The following CSMD1 variants were observed in gnomAD, a reference collection of about 807,000 sequenced individuals.
CSMD1 encodes CUB and sushi domain-containing protein 1.
A neutral mutation model predicts 417.5 loss-of-function variants in CSMD1; 213 were observed. The observed-to-expected ratio is 0.51, with a 90% CI of 0.46 to 0.57. The LOEUF is 0.57. Among genes scored for constraint, CSMD1 ranks in the 20% least tolerant of loss-of-function variants. The pLI, the probability that CSMD1 is intolerant of heterozygous loss-of-function variation, is 0.00. For missense variants in CSMD1, 6,923 were observed against 4,529.7 expected, an observed-to-expected ratio of 1.53 and a Z score of -15.17; for synonymous variants, 2,862 against 1,736.8, an observed-to-expected ratio of 1.65 and a Z score of -16.11.
At chr8:3,891,507 C>A (rs995710019) in intron 5 of CSMD1, among the ~76,000 whole-genome samples, 6 of 151,968 alleles carry the variant, frequency 3.9e-5, no homozygotes, top group African/African-American at 1.5e-4. Context: ...TAACAAGACC[C>A]CATGCCTAAT....
At chr8:4,637,152 C>G (rs1340448727) in intron 2 of CSMD1, among the ~76,000 whole-genome samples, 190 bp downstream of exon 2, 2 of 152,084 alleles carry the variant, frequency 1.3e-5, no homozygotes, top group Non-Finnish European at 2.9e-5. Context: ...TCTTTGTTTC[C>G]CTGCCATCTT....
intron 29 of CSMD1, among the ~76,000 whole-genome samples, chr8:3,215,861 T>A (rs1237989699): frequency 6.6e-6 from 1 of 151,900 alleles, no homozygotes; most frequent in Non-Finnish European, 1.5e-5. Flanking sequence ...CCTGATTAAC[T>A]GTATTTATTC....
chr8:4,818,701 C>A (rs1040690807), intron 1 of CSMD1, among the ~76,000 whole-genome samples: 1 of 152,122 alleles, frequency 6.6e-6, no homozygotes, highest in African/African-American at 2.4e-5. Context: ...GATGAAAAAA[C>A]AATCATCATG....
At chr8:4,133,534 C>A (rs1377538643) in intron 3 of CSMD1, among the ~76,000 whole-genome samples, 1 of 152,178 alleles carries the variant, frequency 6.6e-6, no homozygotes, top group Non-Finnish European at 1.5e-5. Flanking sequence ...TTTTCCTTCT[C>A]CTCCTCATGG....
intron 3 of CSMD1, among the ~76,000 whole-genome samples, chr8:4,223,375 A>C (rs1714732): frequency 1.3e-5 from 2 of 152,150 alleles, no homozygotes; most frequent in African/African-American, 2.4e-5. Context: ...CCATCCATCA[A>C]GTAAATTCAG....
intron 3 of CSMD1, among the ~76,000 whole-genome samples, chr8:4,134,778 A>AAC (rs1221534695): frequency 6.6e-6 from 1 of 152,212 alleles, no homozygotes; most frequent in Non-Finnish European, 1.5e-5. Flanking sequence ...AGCCATTCTC[A>AAC]ACACGGCATC....
chr8:4,746,145 T>G (rs759079449), intron 1 of CSMD1, among the ~76,000 whole-genome samples: 17 of 152,212 alleles, frequency 1.1e-4, no homozygotes, highest in Middle Eastern at 3.2e-3. Flanking sequence ...TTGGGCCCTG[T>G]TTCTTGGGCT....
intron 5 of CSMD1, among the ~76,000 whole-genome samples, chr8:3,959,486 G>T (rs1812178878): frequency 6.6e-6 from 1 of 152,180 alleles, no homozygotes; most frequent in Non-Finnish European, 1.5e-5. Context: ...ATGACTGAGC[G>T]AGACTCCGTC....
chr8:3,455,817 A>G (rs1364317599), intron 12 of CSMD1, among the ~76,000 whole-genome samples: 2 of 152,188 alleles, frequency 1.3e-5, no homozygotes, highest in East Asian at 3.9e-4. Flanking sequence ...ATGCTGGGAG[A>G]ACCACTACTC....
intron 7 of CSMD1, among the ~76,000 whole-genome samples, chr8:3,662,002 T>G (rs569599870): frequency 6.6e-6 from 1 of 152,088 alleles, no homozygotes; most frequent in Non-Finnish European, 1.5e-5. Flanking sequence ...TACGCAGACC[T>G]TGATGGAAGA....
intron 5 of CSMD1, among the ~76,000 whole-genome samples, chr8:3,886,441 C>G (rs1269832431): frequency 6.6e-6 from 1 of 152,174 alleles, no homozygotes; most frequent in Non-Finnish European, 1.5e-5. Flanking sequence ...TTAACATATT[C>G]TTTACAAGGC....
At chr8:3,410,061 T>C (rs1812587711) in intron 12 of CSMD1, among the ~76,000 whole-genome samples, 1 of 152,246 alleles carries the variant, frequency 6.6e-6, no homozygotes, top group African/African-American at 2.4e-5. Context: ...CTAAAATGAA[T>C]GTTAACACTC....
chr8:3,208,451 G>C lies in CSMD1; in HGVS notation c.4868-2831C>G, dbSNP rs866841010. 1.1e-4 allele frequency among the ~76,000 whole-genome samples: 16 copies of C among 152,254 alleles called. No homozygotes were observed. The Middle Eastern group carries it at 0.01, about 97-fold the overall frequency. ...ACAGCTAATTTTTGTATTTTTAGTAGAGATGGGATTTCACCATGTTGGCTA... is the reference window on the plus strand; with the variant it reads ...ACAGCTAATTTTTGTATTTTTAGTACAGATGGGATTTCACCATGTTGGCTA... On this transcript the variant is annotated intron_variant, in intron 30 of 69. Transcript: ENST00000635120.
At chr8:4,073,909 T>C (rs890079104) in intron 3 of CSMD1, among the ~76,000 whole-genome samples, 1 of 152,076 alleles carries the variant, frequency 6.6e-6, no homozygotes, top group Non-Finnish European at 1.5e-5. Flanking sequence ...ATATTTCAAG[T>C]AGTCTTAATC....
chr8:4,120,055 A>G (rs886114293), intron 3 of CSMD1, among the ~76,000 whole-genome samples: 1 of 152,240 alleles, frequency 6.6e-6, no homozygotes, highest in Non-Finnish European at 1.5e-5. Flanking sequence ...ATAACAGAGT[A>G]TAATTGGATT....
intron 6 of CSMD1, among the ~76,000 whole-genome samples, chr8:3,730,432 G>C (rs899207745): frequency 7.1e-6 from 1 of 141,406 alleles, no homozygotes; most frequent in Non-Finnish European, 1.5e-5. Flanking sequence ...CAAACCTCTA[G>C]GTTAGCAGAG....
At chr8:4,402,326 A>T (rs949001475) in intron 3 of CSMD1, among the ~76,000 whole-genome samples, 2 of 151,240 alleles carry the variant, frequency 1.3e-5, no homozygotes, top group Non-Finnish European at 2.9e-5. Context: ...TCAAATCTAT[A>T]CTTCATCATC....
chr8:3,019,983 C>T (rs1262926067), intron 51 of CSMD1, among the ~76,000 whole-genome samples: 2 of 152,238 alleles, frequency 1.3e-5, no homozygotes, highest in East Asian at 1.9e-4. Flanking sequence ...CAGGGTGCTT[C>T]GCTGCAGCCT....
At chr8:4,112,256 C>A (rs1563138618) in intron 3 of CSMD1, among the ~76,000 whole-genome samples, 1 of 152,100 alleles carries the variant, frequency 6.6e-6, no homozygotes, top group Non-Finnish European at 1.5e-5. Flanking sequence ...TCTTAGAAGG[C>A]ATCAATGAAT....
Sources: allele counts gnomAD v4.1 joint callset (sites outside exome capture counted in the v4.1 genomes callset), GRCh38; gene constraint gnomAD v4.1.1; transcripts MANE v1.5; gene names NCBI Gene and HGNC (gene_info 2026-07-23, HGNC 2026-07-21).